The following SCTR variants were observed in gnomAD, a reference collection of about 807,000 sequenced individuals.
SCTR encodes pancreatic secretin receptor.
In SCTR, 56 loss-of-function variants were observed where a neutral mutation model predicts 60.8. That is an observed-to-expected ratio of 0.92 (90% CI 0.74 to 1.15). SCTR has a LOEUF of 1.15. SCTR is among the 50% of genes most tolerant of loss of function. The probability of loss-of-function intolerance (pLI) is 0.00; values close to 1 mark genes in which losing one functional copy is unlikely to be tolerated. For synonymous variants in SCTR, 202 were observed against 217.0 expected (o/e 0.93, Z 0.61); for missense variants, 562 against 550.4 (o/e 1.02, Z -0.21).
chr2:119,504,747 G>A (rs1466016123), intron 1 of SCTR, among the ~76,000 whole-genome samples: 1 of 152,048 alleles, frequency 6.6e-6, no homozygotes, highest in Non-Finnish European at 1.5e-5. Flanking sequence ...TAAAACCTTT[G>A]CTCCTTGAAA....
chr2:119,512,630 C>T (rs1678993167), intron 1 of SCTR, among the ~76,000 whole-genome samples: 1 of 152,176 alleles, frequency 6.6e-6, no homozygotes, highest in Non-Finnish European at 1.5e-5. Context: ...CTCCTGACCT[C>T]AGGTGATCAA....
chr2:119,519,862 G>GAA (rs375269132), intron 1 of SCTR, among the ~76,000 whole-genome samples: 2 of 95,424 alleles, frequency 2.1e-5, no homozygotes, highest in Non-Finnish European at 4.7e-5. Flanking sequence ...AAAAAAAAAA[G>GAA]AAAAAAAAAC....
rs946754106 is a variant in SCTR, at chr2:119,494,550, T to C, written c.73-2A>G. 7 of 1,613,584 alleles carry C rather than the reference T, an allele frequency of 4.3e-6. No homozygotes were observed. In the Admixed American group the frequency reaches 1.0e-4, roughly 23 times the overall value. ...ACATAGTCGGGGAAGGGCTCCAGTC[T>C]GCAAGTCCAAAACCAGGGATGCTCA... On this transcript the variant is annotated splice_acceptor_variant, in intron 1 of 12. Coordinates refer to ENST00000019103, the MANE Select transcript of SCTR (RefSeq NM_002980.3). LOFTEE classifies it high-confidence loss of function.
At chr2:119,477,415 C>T (rs1396277689) in intron 3 of SCTR, among the ~76,000 whole-genome samples, 2 of 151,866 alleles carry the variant, frequency 1.3e-5, no homozygotes, top group Admixed American at 1.3e-4. Flanking sequence ...ATCAGGAATA[C>T]CTGTTTCCTG....
chr2:119,515,588 CT>C (rs2104949545), intron 1 of SCTR, among the ~76,000 whole-genome samples: 1 of 152,330 alleles, frequency 6.6e-6, no homozygotes, highest in East Asian at 1.9e-4. Flanking sequence ...CTCTTTCTCT[CT>C]CTTTCCTGGA....
At chr2:119,452,176 G>A in intron 8 of SCTR, 97 bp from the exon 9 acceptor site, 1 of 742,446 alleles carries the variant, frequency 1.3e-6, no homozygotes, top group East Asian at 2.6e-5. Flanking sequence ...TTGGTATGAA[G>A]GACCTGTGTT....
chr2:119,504,311 G>C lies in SCTR; in HGVS notation c.73-9763C>G, dbSNP rs542492122. ...GAAACTTTTATTTAAAAGCATAGGA[G>C]CTCAGCTGCAGTGGTGCATGCCTGT... is the stretch of plus-strand genomic sequence containing the variant. On this transcript the variant is annotated intron_variant, in intron 1 of 12. Transcript: ENST00000019103. 2.5e-3 allele frequency among the ~76,000 whole-genome samples: 374 copies of C among 152,308 alleles called. 2 individuals are homozygous for C. Among genetic ancestry groups the C allele is most frequent in the Non-Finnish European group, 4.3e-3 (293 of 68,028 alleles).
Position 119,440,297 on chromosome 2 carries a change from A to G in SCTR, c.1183-40T>C, listed in dbSNP as rs1682608049. ...AGCCATCAGCCCAGGAGGAGAGGACAGTTCTGTGCCTGGAGCCCTGCTCAC... is the reference window on the plus strand; with the variant it reads ...AGCCATCAGCCCAGGAGGAGAGGACGGTTCTGTGCCTGGAGCCCTGCTCAC... On this transcript the variant is annotated intron_variant, in intron 12 of 12. Coordinates refer to ENST00000019103, the MANE Select transcript of SCTR (RefSeq NM_002980.3). 5.7e-6 allele frequency: 9 copies of G among 1,589,824 alleles called. No homozygotes were observed. In the East Asian group the frequency reaches 2.0e-4, roughly 36 times the overall value.
chr2:119,498,350 A>G (rs1299546676), intron 1 of SCTR, among the ~76,000 whole-genome samples: 1 of 152,178 alleles, frequency 6.6e-6, no homozygotes, highest in African/African-American at 2.4e-5. Context: ...CAGTAGACTC[A>G]CCCTAAAAGA....
intron 1 of SCTR, among the ~76,000 whole-genome samples, chr2:119,510,935 C>T (rs1008627076): frequency 1.3e-5 from 2 of 152,074 alleles, no homozygotes; most frequent in Non-Finnish European, 2.9e-5. Context: ...TGGTGGCTCA[C>T]GCCTGTAATC....
intron 1 of SCTR, among the ~76,000 whole-genome samples, chr2:119,506,100 G>A (rs1057141501): frequency 1.3e-5 from 2 of 152,186 alleles, no homozygotes; most frequent in Admixed American, 6.5e-5. Flanking sequence ...AAACAGGTTG[G>A]CAGTGTCTTG....
At chr2:119,511,402 A>G (rs1238342010) in intron 1 of SCTR, among the ~76,000 whole-genome samples, 1 of 152,132 alleles carries the variant, frequency 6.6e-6, no homozygotes, top group Admixed American at 6.5e-5. Context: ...ATTTATAATG[A>G]CTTATTTTGA....
Position 119,464,243 on chromosome 2 carries a change from G to A in SCTR, c.516C>T (p.Cys172=). ...GILCAFRRLH[C]TRNYIHMHLF... is the part of the protein sequence containing the mutation. ...GGTGCATGTGGATGTAGTTGCGAGT[G>A]CAGTGGAGCCTCCTGCAGGGAGAGA... is the stretch of plus-strand genomic sequence containing the variant. The change falls in exon 6 of 13, where the codon TGC becomes TGT. Residue 172 remains cysteine (C), a synonymous_variant. Transcript: ENST00000019103. 1 of 1,614,202 alleles carries A rather than the reference G, an allele frequency of 6.2e-7. No individual in the cohort carries two copies. Among genetic ancestry groups the A allele is most frequent in the Non-Finnish European group, 8.5e-7 (1 of 1,180,018 alleles).
At chr2:119,518,780 G>T (rs1679190367) in intron 1 of SCTR, among the ~76,000 whole-genome samples, 2 of 152,152 alleles carry the variant, frequency 1.3e-5, no homozygotes, top group Non-Finnish European at 2.9e-5. Context: ...CTGTTCTGGT[G>T]GTGGAGCTCG....
At chr2:119,515,021 G>A (rs531365052) in intron 1 of SCTR, among the ~76,000 whole-genome samples, 3 of 152,314 alleles carry the variant, frequency 2.0e-5, no homozygotes, top group East Asian at 1.9e-4. Context: ...TTTATACAAT[G>A]AGAAATAAAA....
At chr2:119,466,208 C>T (rs1683828492) in intron 4 of SCTR, among the ~76,000 whole-genome samples, 1 of 152,028 alleles carries the variant, frequency 6.6e-6, no homozygotes, top group Non-Finnish European at 1.5e-5. Flanking sequence ...GTGCTCACTG[C>T]CCTTTGAGAA....
intron 7 of SCTR, among the ~76,000 whole-genome samples, chr2:119,459,522 C>T (rs1336437995): frequency 2.6e-5 from 4 of 152,038 alleles, no homozygotes; most frequent in Admixed American, 2.0e-4. Context: ...CCGTTACCTT[C>T]GCATGAAAAG....
intron 1 of SCTR, among the ~76,000 whole-genome samples, chr2:119,511,449 A>G (rs1418815014): frequency 6.6e-6 from 1 of 152,212 alleles, no homozygotes; most frequent in South Asian, 2.1e-4. Context: ...CAAATCATGT[A>G]AAATGATTAT....
At chr2:119,494,346 C>T in intron 2 of SCTR, 82 bp downstream of exon 2, 2 of 1,481,364 alleles carry the variant, frequency 1.4e-6, no homozygotes, top group Non-Finnish European at 1.8e-6. Flanking sequence ...CCCATCCTGG[C>T]CCAGGATAAG....
Sources: gnomAD v4.1 joint callset for allele counts (sites outside exome capture counted in the v4.1 genomes callset) on GRCh38, gnomAD v4.1.1 for gene constraint, MANE v1.5 for transcripts, NCBI Gene and HGNC (gene_info 2026-07-23, HGNC 2026-07-21) for gene names.